GSE1: variants seen among roughly 807,000 people sequenced by gnomAD.
GSE1 encodes the protein Gse1 coiled-coil protein.
In GSE1, 32 loss-of-function variants were observed where a neutral mutation model predicts 112.6. The ratio of observed to expected loss-of-function variants is 0.28; its 90% CI spans 0.21 to 0.38. GSE1 has a LOEUF of 0.38. GSE1 is among the 10% of genes least tolerant of loss of function. The probability of loss-of-function intolerance (pLI) is 1.00; values close to 1 mark genes in which losing one functional copy is unlikely to be tolerated. For missense variants in GSE1, 2,348 were observed against 1,699.2 expected, an observed-to-expected ratio of 1.38 and a Z score of -6.71; for synonymous variants, 1,115 against 735.6, an observed-to-expected ratio of 1.52 and a Z score of -8.35.
At chr16:85,377,043 A>G (rs1183486012) in intron 2 of GSE1, among the ~76,000 whole-genome samples, 2 of 152,144 alleles carry the variant, frequency 1.3e-5, no homozygotes, top group African/African-American at 2.4e-5. Context: ...CCACGTGTTG[A>G]TTTTTGGTTC....
At chr16:85,633,862 C>T in intron 1 of GSE1, 52 bp from the exon 2 acceptor site, 1 of 1,450,358 alleles carries the variant, frequency 6.9e-7, no homozygotes, top group African/African-American at 1.4e-5. Flanking sequence ...TGCTCTGGTG[C>T]TGGGCGCTCC....
At chr16:85,532,410 G>A (rs112238538) in intron 2 of GSE1, among the ~76,000 whole-genome samples, 6 of 152,252 alleles carry the variant, frequency 3.9e-5, no homozygotes, top group South Asian at 2.1e-4. Context: ...ACAAGCATAC[G>A]CCACCACGCC....
chr16:85,342,788 T>G (rs1397477692), intron 1 of GSE1, among the ~76,000 whole-genome samples: 1 of 151,626 alleles, frequency 6.6e-6, no homozygotes, highest in Non-Finnish European at 1.5e-5. Flanking sequence ...GATGGTAGGG[T>G]GAAGGGAGCA....
chr16:85,371,125 C>G (rs760280525), intron 2 of GSE1, among the ~76,000 whole-genome samples: 2 of 152,224 alleles, frequency 1.3e-5, no homozygotes, highest in Non-Finnish European at 2.9e-5. Flanking sequence ...CGCTGCTCCG[C>G]CCCCCTCGTT....
chr16:85,379,574 T>G (rs1181044433), intron 2 of GSE1, among the ~76,000 whole-genome samples: 1 of 152,208 alleles, frequency 6.6e-6, no homozygotes, highest in Non-Finnish European at 1.5e-5. Flanking sequence ...TGGGTTCTCA[T>G]GGACCATCCA....
At chr16:85,359,573 G>C in intron 2 of GSE1, 1 of 355,060 alleles carries the variant, frequency 2.8e-6, no homozygotes. Flanking sequence ...GTGAGCTGAT[G>C]CTTGTAAGCT....
intron 1 of GSE1, among the ~76,000 whole-genome samples, chr16:85,351,663 G>A (rs1025554653): frequency 6.6e-6 from 1 of 152,218 alleles, no homozygotes; most frequent in Non-Finnish European, 1.5e-5. Context: ...GAATTGTATA[G>A]TATGTGAGTT....
rs571122993 is a variant in GSE1 at position 85,319,972 on chromosome 16, G to A, written c.2284-37491G>A. ...CGGGCTTACAACTGGCAAAGACTGGGGCTGCGCCTACCCAGCCGGTTCGCT... is the reference window on the plus strand; with the variant it reads ...CGGGCTTACAACTGGCAAAGACTGGAGCTGCGCCTACCCAGCCGGTTCGCT... On this transcript the variant is annotated intron_variant, in intron 1 of 2. Coordinates refer to the GSE1 transcript ENST00000637419. Among the ~76,000 whole-genome samples the A allele has an allele frequency of 2.7e-4, 41 of 152,302 alleles. No homozygotes were observed. The South Asian group carries it at 8.5e-3, about 32-fold the overall frequency.
chr16:85,467,115 C>G (rs1213419295), intron 2 of GSE1, among the ~76,000 whole-genome samples: 1 of 152,192 alleles, frequency 6.6e-6, no homozygotes, highest in East Asian at 1.9e-4. Context: ...ATGGCCTGGG[C>G]CCTGGCCTCC....
At chr16:85,483,906 A>G (rs897369763) in intron 2 of GSE1, among the ~76,000 whole-genome samples, 4 of 152,192 alleles carry the variant, frequency 2.6e-5, no homozygotes, top group African/African-American at 7.2e-5. Flanking sequence ...CGTCACGGGT[A>G]CAACTCTGCT....
intron 1 of GSE1, among the ~76,000 whole-genome samples, chr16:85,289,143 G>T (rs1478302026): frequency 2.0e-5 from 3 of 152,178 alleles, no homozygotes; most frequent in African/African-American, 4.8e-5. Context: ...CCGGCAGGGT[G>T]TCACCTTGAC....
chr16:85,596,093 C>G (rs1276637640), intron 1 of GSE1, among the ~76,000 whole-genome samples: 1 of 151,786 alleles, frequency 6.6e-6, no homozygotes, highest in Admixed American at 6.6e-5. Flanking sequence ...CCCATGCACT[C>G]ATCCACTGTC....
chr16:85,445,510 C>T (rs1402001781), intron 2 of GSE1, among the ~76,000 whole-genome samples: 1 of 152,208 alleles, frequency 6.6e-6, no homozygotes, highest in South Asian at 2.1e-4. Flanking sequence ...CTTTGCGTGG[C>T]GGGCGGCTGG....
At chr16:85,397,976 CGTGGGGGTGGGG>C (rs1181540599) in intron 2 of GSE1, among the ~76,000 whole-genome samples, 1 of 128,238 alleles carries the variant, frequency 7.8e-6, no homozygotes, top group Non-Finnish European at 1.6e-5. Flanking sequence ...AGTTCCGAAT[CGTGGGGGTGGGG>C]TTGGGGGTGG....
At chr16:85,304,433 A>G (rs2045610700) in intron 1 of GSE1, among the ~76,000 whole-genome samples, 1 of 152,174 alleles carries the variant, frequency 6.6e-6, no homozygotes, top group South Asian at 2.1e-4. Flanking sequence ...ACTCCTGGGC[A>G]TTGTGGGTGA....
Position 85,351,756 on chromosome 16 carries a change from G to A in GSE1, c.2284-5707G>A, listed in dbSNP as rs546195294. 3.3e-5 allele frequency among the ~76,000 whole-genome samples: 5 copies of A among 152,316 alleles called. No homozygotes were observed. In the South Asian group the frequency reaches 6.2e-4, roughly 19 times the overall value. On this transcript the variant is annotated intron_variant, in intron 1 of 2. Transcript: ENST00000637419. The stretch of plus-strand genomic sequence containing the variant: ...TATAATCCCAGCACTTTGGGAGGCC[G>A]AGGCAGGCGGATCACCTGAAGTCAG...
chr16:85,275,111 G>A lies in GSE1; in HGVS notation c.2284-82352G>A, dbSNP rs567246083. Among the ~76,000 whole-genome samples, 4 of 152,318 alleles carry A rather than the reference G, an allele frequency of 2.6e-5. No individual in the cohort carries two copies. In the East Asian group the frequency reaches 5.8e-4, roughly 22 times the overall value. On this transcript the variant is annotated intron_variant, in intron 1 of 2. Transcript: ENST00000637419. ...GGGAGCATGACATGGAGCATCAGCC[G>A]ATCCGCAGACACAGACCTGGGCCTG...
chr16:85,242,955 G>C (rs754873316), intron 1 of GSE1, among the ~76,000 whole-genome samples: 1 of 152,130 alleles, frequency 6.6e-6, no homozygotes, highest in Non-Finnish European at 1.5e-5. Flanking sequence ...GAGACTACAG[G>C]TGCACACCAC....
At chr16:85,494,770 T>G (rs957157854) in intron 2 of GSE1, among the ~76,000 whole-genome samples, 6 of 152,244 alleles carry the variant, frequency 3.9e-5, no homozygotes, top group Non-Finnish European at 8.8e-5. Flanking sequence ...TTAAATCTAG[T>G]GCAGACTCAG....
Sources: gnomAD v4.1 joint callset for allele counts (sites outside exome capture counted in the v4.1 genomes callset) on GRCh38, gnomAD v4.1.1 for gene constraint, MANE v1.5 for transcripts, NCBI Gene and HGNC (gene_info 2026-07-23, HGNC 2026-07-21) for gene names.